Variants in BCL2L13 observed in about 807,000 individuals in gnomAD.
BCL2L13 encodes the protein BCL2 like 13.
A neutral mutation model predicts 25.8 loss-of-function variants in BCL2L13; 13 were observed. The ratio of observed to expected loss-of-function variants is 0.50; its 90% CI spans 0.33 to 0.80. The LOEUF (loss-of-function observed/expected upper bound fraction) is 0.80. BCL2L13 is among the 30% of genes least tolerant of loss of function. BCL2L13 has a pLI of 0.02. For missense variants in BCL2L13, 504 were observed against 574.9 expected (o/e 0.88, Z 1.26); for synonymous variants, 244 against 230.3 (o/e 1.06, Z -0.54).
chr22:17,722,360 A>G (rs1453566318), intron 6 of BCL2L13, among the ~76,000 whole-genome samples: 1 of 145,594 alleles, frequency 6.9e-6, no homozygotes, highest in Non-Finnish European at 1.5e-5. Context: ...TCCTGAGTTG[A>G]GTAGATGAGA....
chr22:17,715,655 C>T (rs984050997), intron 6 of BCL2L13, among the ~76,000 whole-genome samples: 1 of 152,124 alleles, frequency 6.6e-6, no homozygotes, highest in Non-Finnish European at 1.5e-5. Flanking sequence ...CACACTATTT[C>T]CTGTATGTTT....
intron 1 of BCL2L13, among the ~76,000 whole-genome samples, chr22:17,644,498 AT>A (rs1331525494): frequency 6.7e-6 from 1 of 150,070 alleles, no homozygotes; most frequent in Non-Finnish European, 1.5e-5. Context: ...CGCCCAGCTA[AT>A]TTTTGTATTT....
intron 5 of BCL2L13, among the ~76,000 whole-genome samples, chr22:17,696,744 C>T (rs1840826822): frequency 6.6e-6 from 1 of 152,080 alleles, no homozygotes; most frequent in Admixed American, 6.6e-5. Context: ...AAATGACTTG[C>T]CTAGAATCCC....
intron 3 of BCL2L13, among the ~76,000 whole-genome samples, chr22:17,686,523 T>C (rs113123307): frequency 7.3e-5 from 11 of 150,786 alleles, no homozygotes; most frequent in African/African-American, 2.7e-4. Context: ...TTTTCTTTTT[T>C]TTTTTGAGAC....
intron 6 of BCL2L13, among the ~76,000 whole-genome samples, chr22:17,716,724 A>G (rs150096787): frequency 5.7e-4 from 87 of 152,336 alleles, no homozygotes; most frequent in African/African-American, 2.0e-3. Flanking sequence ...GAAAATTATA[A>G]ATAGACTTCA....
At chr22:17,691,374 C>T (rs1230813761) in intron 4 of BCL2L13, among the ~76,000 whole-genome samples, 3 of 152,124 alleles carry the variant, frequency 2.0e-5, no homozygotes, top group Admixed American at 6.5e-5. Context: ...TGGCTGGGCG[C>T]GGTGGCTCAC....
rs541165330 is a variant in BCL2L13 at position 17,679,043 on chromosome 22, GA to G, written c.122-4169del. On this transcript the variant is annotated intron_variant, in intron 2 of 6. Transcript: ENST00000317582. ...AATGAAAAACCACTCTCCTCTAACA[GA>G]AGGTTAGTTGCTAAGTATACAATTC... Among the ~76,000 whole-genome samples, 11 of 152,238 alleles carry G rather than the reference GA, an allele frequency of 7.2e-5. No homozygotes were observed. The South Asian group carries it at 2.3e-3, about 32-fold the overall frequency.
At chr22:17,685,712 G>A (rs1003629822) in intron 3 of BCL2L13, among the ~76,000 whole-genome samples, 2 of 131,982 alleles carry the variant, frequency 1.5e-5, no homozygotes, top group African/African-American at 2.8e-5. Flanking sequence ...GAATATTCTT[G>A]TGCAAGTTTT....
At chr22:17,687,922 A>G (rs2059993654) in intron 3 of BCL2L13, among the ~76,000 whole-genome samples, 1 of 149,508 alleles carries the variant, frequency 6.7e-6, no homozygotes, top group South Asian at 2.1e-4. Flanking sequence ...GGTTCAAGCG[A>G]TTCTCCTGCC....
chr22:17,649,871 C>CTTTTTTTTTTTTTTT (rs71201855), intron 1 of BCL2L13, among the ~76,000 whole-genome samples: 3 of 94,390 alleles, frequency 3.2e-5, no homozygotes, highest in Non-Finnish European at 4.2e-5. Context: ...TTTTTCTTTT[C>CTTTTTTTTTTTTTTT]TTTTTTTTTT....
chr22:17,644,060 A>C (rs1601478700), intron 1 of BCL2L13, among the ~76,000 whole-genome samples: 1 of 150,496 alleles, frequency 6.6e-6, no homozygotes, highest in East Asian at 2.0e-4. Context: ...ACAGATGCAC[A>C]CCGCCACACC....
chr22:17,685,169 T>C (rs2059888038), intron 3 of BCL2L13, among the ~76,000 whole-genome samples: 1 of 152,136 alleles, frequency 6.6e-6, no homozygotes, highest in Non-Finnish European at 1.5e-5. Context: ...CCACTGCGCC[T>C]GGCCACTATG....
intron 2 of BCL2L13, among the ~76,000 whole-genome samples, chr22:17,664,348 G>T (rs1269259275): frequency 6.6e-6 from 1 of 152,214 alleles, no homozygotes; most frequent in Non-Finnish European, 1.5e-5. Context: ...AGGTTGTGCT[G>T]ATGCAAGAGG....
chr22:17,687,083 A>G (rs956104709), intron 3 of BCL2L13, among the ~76,000 whole-genome samples: 2 of 152,182 alleles, frequency 1.3e-5, no homozygotes, highest in African/African-American at 2.4e-5. Flanking sequence ...AAAGAAACAC[A>G]TACTTTATAG....
At chr22:17,630,255 C>T (rs1282877703) in intron 1 of BCL2L13, among the ~76,000 whole-genome samples, 1 of 150,978 alleles carries the variant, frequency 6.6e-6, no homozygotes, top group East Asian at 1.9e-4. Context: ...TCCTTTGTCC[C>T]ATCAATCCAT....
At chr22:17,706,650 G>A in intron 6 of BCL2L13, 1 of 1,280,076 alleles carries the variant, frequency 7.8e-7, no homozygotes, top group East Asian at 4.7e-5. Flanking sequence ...CTTAGTTTCA[G>A]TTTTGACTTT....
intron 5 of BCL2L13, among the ~76,000 whole-genome samples, chr22:17,698,532 G>A (rs1470670366): frequency 8.3e-6 from 1 of 121,190 alleles, no homozygotes; most frequent in Non-Finnish European, 1.6e-5. Context: ...ACCAGGCTGG[G>A]CAACATAGCA....
chr22:17,648,106 C>T lies in BCL2L13; in HGVS notation c.-50-7556C>T, dbSNP rs180724626. Among the ~76,000 whole-genome samples the T allele has an allele frequency of 1.8e-3, 265 of 150,454 alleles. 3 individuals are homozygous for T. Among genetic ancestry groups the T allele is most frequent in the African/African-American group, 6.0e-3 (244 of 40,980 alleles). ...GGTCATGCCACTGCACTCCTGGCGA[C>T]AGAGACTCTGTCTCAAAAAAAAAAA... On this transcript the variant is annotated intron_variant, in intron 1 of 6. Transcript: ENST00000317582.
At chr22:17,706,766 T>A (rs745808732) in intron 6 of BCL2L13, 1 of 1,352,128 alleles carries the variant, frequency 7.4e-7, no homozygotes, top group South Asian at 1.1e-5. Context: ...TTTCCTGGGC[T>A]TGTGTTGCTA....
Sources: allele counts gnomAD v4.1 joint callset (sites outside exome capture counted in the v4.1 genomes callset), GRCh38; gene constraint gnomAD v4.1.1; transcripts MANE v1.5; gene names NCBI Gene and HGNC (gene_info 2026-07-23, HGNC 2026-07-21).